Variants in TSHZ2 observed in about 807,000 individuals in gnomAD.
TSHZ2 encodes teashirt zinc finger homeobox 2, also known as teashirt homolog 2.
In TSHZ2, 21 loss-of-function variants were observed where a neutral mutation model predicts 74.4. That is an observed-to-expected ratio of 0.28 (90% CI 0.20 to 0.41). The LOEUF is 0.41. Among genes scored for constraint, TSHZ2 ranks in the 10% least tolerant of loss-of-function variants. The pLI, the probability that TSHZ2 is intolerant of heterozygous loss-of-function variation, is 1.00. For synonymous variants in TSHZ2, 540 were observed against 515.3 expected (o/e 1.05, Z -0.65); for missense variants, 1,244 against 1,293.5 (o/e 0.96, Z 0.59).
Position 53,126,686 on chromosome 20 carries a change from T to C in TSHZ2, c.41-126813T>C, listed in dbSNP as rs577905774. On this transcript the variant is annotated intron_variant, in intron 1 of 2. Transcript: ENST00000371497. ...GTTAGTAACAGAGTTGTATTTTTGG[T>C]GGACAGCAGTAGATCTTGAAACAAA... 3.2e-4 allele frequency among the ~76,000 whole-genome samples: 49 copies of C among 152,280 alleles called. No individual in the cohort carries two copies. In the South Asian group the frequency reaches 9.3e-3, roughly 29 times the overall value.
At chr20:53,141,823 C>G (rs1008569385) in intron 1 of TSHZ2, among the ~76,000 whole-genome samples, 1 of 152,180 alleles carries the variant, frequency 6.6e-6, no homozygotes, top group Non-Finnish European at 1.5e-5. Flanking sequence ...TGCTGATAGG[C>G]GCTAAGGGCT....
At chr20:53,469,761 AGAGGGAGGAAGG>A (rs36223642) in intron 2 of TSHZ2, among the ~76,000 whole-genome samples, 5,951 of 59,364 alleles carry the variant, frequency 0.1, 538 homozygotes, top group Non-Finnish European at 0.12. Context: ...AGAAAGATAG[AGAGGGAGGAAGG>A]GAGGGAGGGA....
intron 1 of TSHZ2, among the ~76,000 whole-genome samples, chr20:53,069,291 A>G (rs1487532146): frequency 6.6e-6 from 1 of 152,144 alleles, no homozygotes; most frequent in African/African-American, 2.4e-5. Context: ...CATTACTTGT[A>G]GGGGGCAAGA....
intron 1 of TSHZ2, among the ~76,000 whole-genome samples, chr20:53,065,878 G>T (rs1247639006): frequency 6.6e-6 from 1 of 152,188 alleles, no homozygotes. Flanking sequence ...AGGGCATGTA[G>T]GTTAATTCAG....
chr20:53,404,092 G>A (rs6013679), intron 2 of TSHZ2, among the ~76,000 whole-genome samples: 3 of 152,048 alleles, frequency 2.0e-5, no homozygotes, highest in South Asian at 2.1e-4. Context: ...TTACAAGTTC[G>A]AGCTAACCAC....
intron 1 of TSHZ2, among the ~76,000 whole-genome samples, chr20:53,155,421 T>C (rs999868341): frequency 2.0e-5 from 3 of 151,914 alleles, no homozygotes; most frequent in African/African-American, 7.3e-5. Context: ...GTGGGATATA[T>C]ATTCCCGCCT....
intron 1 of TSHZ2, among the ~76,000 whole-genome samples, chr20:53,151,231 A>G (rs984397209): frequency 6.6e-6 from 1 of 152,236 alleles, no homozygotes; most frequent in Admixed American, 6.5e-5. Flanking sequence ...CTATTAAGGA[A>G]CAATGTCCTA....
At chr20:53,257,069 A>T (rs575637697) in intron 2 of TSHZ2, among the ~76,000 whole-genome samples, 2 of 152,262 alleles carry the variant, frequency 1.3e-5, no homozygotes, top group Admixed American at 1.3e-4. Context: ...TGAATAGCTT[A>T]AAGTTGTCTT....
Position 53,489,095 on chromosome 20 carries a change from A to C in TSHZ2, c.*1960A>C, listed in dbSNP as rs990057386. 4 of 456,180 alleles carry C rather than the reference A, an allele frequency of 8.8e-6. No individual in the cohort carries two copies. Among genetic ancestry groups the C allele is most frequent in the African/African-American group, 4.0e-5 (2 of 50,100 alleles). The allele number at this position is 456,180 out of a possible 1,614,324, so 28.3% of individuals were successfully genotyped here. The stretch of plus-strand genomic sequence containing the variant: ...TTCATTGAAGTGTCAGCACTCATCC[A>C]TCAATCAATCACCCACAAGGAAAAA... On this transcript the variant is annotated 3_prime_UTR_variant, in exon 3 of 3. Transcript: ENST00000371497.
At chr20:53,190,301 C>T (rs922342944) in intron 1 of TSHZ2, among the ~76,000 whole-genome samples, 1 of 150,946 alleles carries the variant, frequency 6.6e-6, no homozygotes, top group African/African-American at 2.4e-5. Flanking sequence ...CCAGTTGTTT[C>T]CTTGCGAGCT....
intron 2 of TSHZ2, among the ~76,000 whole-genome samples, chr20:53,332,275 T>G (rs1600814696): frequency 6.6e-6 from 1 of 152,272 alleles, no homozygotes. Context: ...TAGCCTAGTC[T>G]TGGAGGTCCA....
intron 1 of TSHZ2, among the ~76,000 whole-genome samples, chr20:53,162,444 G>T (rs1987964411): frequency 6.6e-6 from 1 of 152,156 alleles, no homozygotes; most frequent in South Asian, 2.1e-4. Context: ...TTCCTCTTTT[G>T]TATCTTTCCT....
chr20:53,266,226 G>A (rs1990713695), intron 2 of TSHZ2, among the ~76,000 whole-genome samples: 1 of 152,176 alleles, frequency 6.6e-6, no homozygotes, highest in African/African-American at 2.4e-5. Context: ...TCTGAGACTT[G>A]CAAGATGAGC....
intron 1 of TSHZ2, among the ~76,000 whole-genome samples, chr20:53,077,632 C>T (rs1351699463): frequency 2.6e-5 from 4 of 152,090 alleles, no homozygotes; most frequent in African/African-American, 4.8e-5. Flanking sequence ...GCACATCATA[C>T]ACAGCAGCCA....
intron 2 of TSHZ2, among the ~76,000 whole-genome samples, chr20:53,261,524 G>A (rs1018898974): frequency 6.6e-6 from 1 of 152,160 alleles, no homozygotes; most frequent in Non-Finnish European, 1.5e-5. Flanking sequence ...CAATAATCTA[G>A]CATCTCTCAA....
intron 1 of TSHZ2, among the ~76,000 whole-genome samples, chr20:52,992,727 C>T (rs781533664): frequency 7.9e-5 from 12 of 152,090 alleles, no homozygotes; most frequent in Non-Finnish European, 1.3e-4. Flanking sequence ...AACACATAAA[C>T]CAACAGAATT....
At position 53,226,668 on chromosome 20, in the gene TSHZ2, C is replaced by T. The variant is rs545088965; in HGVS notation, c.41-26831C>T. On this transcript the variant is annotated intron_variant, in intron 1 of 2. Transcript: ENST00000371497. ...AGGTGTTCAAATGGTGTATTTAGAACAGGATTTCTAAGGCTCGGCCATATT... is the reference window on the plus strand; with the variant it reads ...AGGTGTTCAAATGGTGTATTTAGAATAGGATTTCTAAGGCTCGGCCATATT... Among the ~76,000 whole-genome samples, 122 of 152,226 alleles carry T rather than the reference C, an allele frequency of 8.0e-4. 1 individual carries two copies. The highest frequency in any genetic ancestry group is 7.5e-3 in the South Asian group (36 of 4,828).
intron 1 of TSHZ2, among the ~76,000 whole-genome samples, chr20:53,227,797 C>T (rs960998149): frequency 3.3e-5 from 5 of 152,240 alleles, no homozygotes; most frequent in African/African-American, 9.6e-5. Context: ...TTGAATGGAT[C>T]TGTTCAGAGC....
chr20:53,003,255 G>GGTGTGTGTGTGT (rs11468763), intron 1 of TSHZ2, among the ~76,000 whole-genome samples: 123 of 139,604 alleles, frequency 8.8e-4, no homozygotes, highest in African/African-American at 2.1e-3. Flanking sequence ...CTCCAGGGAT[G>GGTGTGTGTGTGT]GTGTGTGTGT....
Sources: gnomAD v4.1 joint callset for allele counts (sites outside exome capture counted in the v4.1 genomes callset) on GRCh38, gnomAD v4.1.1 for gene constraint, MANE v1.5 for transcripts, NCBI Gene and HGNC (gene_info 2026-07-23, HGNC 2026-07-21) for gene names.